PPM1L: variants seen among roughly 807,000 people sequenced by gnomAD.
The protein encoded by PPM1L is protein phosphatase 1L.
In PPM1L, 13 loss-of-function variants were observed where a neutral mutation model predicts 31.4. The observed-to-expected ratio is 0.41, with a 90% CI of 0.27 to 0.66. The LOEUF is 0.66. Among genes scored for constraint, PPM1L ranks in the 30% least tolerant of loss-of-function variants. The pLI is 0.29. For missense variants in PPM1L, 326 were observed against 453.7 expected (o/e 0.72, Z 2.56); for synonymous variants, 184 against 175.4 (o/e 1.05, Z -0.39).
At chr3:160,856,872 T>G (rs1711722972) in intron 1 of PPM1L, among the ~76,000 whole-genome samples, 1 of 152,218 alleles carries the variant, frequency 6.6e-6, no homozygotes, top group Non-Finnish European at 1.5e-5. Context: ...CATTTAATTC[T>G]TCTCCCTATT....
intron 1 of PPM1L, among the ~76,000 whole-genome samples, chr3:160,954,056 C>A (rs1246134367): frequency 6.6e-6 from 1 of 152,032 alleles, no homozygotes; most frequent in Admixed American, 6.5e-5. Flanking sequence ...AATTTAAAAG[C>A]AATTTGTGTT....
At chr3:161,065,095 G>A (rs1312878908) in intron 2 of PPM1L, among the ~76,000 whole-genome samples, 1 of 151,974 alleles carries the variant, frequency 6.6e-6, no homozygotes, top group African/African-American at 2.4e-5. Flanking sequence ...AACTTCAAAC[G>A]ATTTTGTTTC....
At chr3:160,921,742 T>C (rs75014720) in intron 1 of PPM1L, among the ~76,000 whole-genome samples, 1,606 of 152,292 alleles carry the variant, frequency 0.011, 40 homozygotes, top group African/African-American at 0.037. Flanking sequence ...AAAATAATTA[T>C]TTTATTCTTA....
At chr3:160,809,093 T>C (rs954026439) in intron 1 of PPM1L, among the ~76,000 whole-genome samples, 1 of 152,160 alleles carries the variant, frequency 6.6e-6, no homozygotes, top group Non-Finnish European at 1.5e-5. Flanking sequence ...CAGAATCTGC[T>C]CCCGAGGTCC....
intron 1 of PPM1L, among the ~76,000 whole-genome samples, chr3:160,942,483 T>C (rs913466612): frequency 2.0e-5 from 3 of 152,236 alleles, no homozygotes; most frequent in African/African-American, 7.2e-5. Flanking sequence ...TACTTGTCAG[T>C]GTGGCAATTT....
chr3:160,807,141 C>G (rs1162281735), intron 1 of PPM1L, among the ~76,000 whole-genome samples: 1 of 152,108 alleles, frequency 6.6e-6, no homozygotes, highest in East Asian at 1.9e-4. Context: ...TAAAGAAAAG[C>G]AATTTCCCCT....
Position 161,069,031 on chromosome 3 carries a change from G to A in PPM1L, c.957G>A (p.Glu319=), listed in dbSNP as rs755109949. The change falls in exon 4 of 4, where the codon GAG becomes GAA. Residue 319 remains glutamate (E), a synonymous_variant. Transcript: ENST00000498165. ...SNEEAVRFIK[E]RLDEPHFGAK... ...AAGAAGCAGTTCGATTCATCAAGGAGCGCTTGGATGAACCTCACTTTGGGG... is the reference window on the plus strand; with the variant it reads ...AAGAAGCAGTTCGATTCATCAAGGAACGCTTGGATGAACCTCACTTTGGGG... 1 of 1,614,198 alleles carries A rather than the reference G, an allele frequency of 6.2e-7. No homozygotes were observed. Among genetic ancestry groups the A allele is most frequent in the Admixed American group, 1.7e-5 (1 of 60,016 alleles).
chr3:161,019,090 A>G (rs1482922200), intron 2 of PPM1L, among the ~76,000 whole-genome samples: 1 of 152,216 alleles, frequency 6.6e-6, no homozygotes, highest in East Asian at 1.9e-4. Flanking sequence ...GGATAAGATT[A>G]TTTGATTAAT....
intron 1 of PPM1L, among the ~76,000 whole-genome samples, chr3:160,839,901 A>G (rs966469666): frequency 5.9e-5 from 9 of 152,184 alleles, no homozygotes; most frequent in African/African-American, 1.9e-4. Flanking sequence ...CATAAAAAAT[A>G]TATCTCGAAT....
In PPM1L at chr3:161,076,791, T is replaced by C. The variant is rs1720112948; in HGVS notation, c.*7634T>C. ...GGAAAATAGTAATTAAACAGTTCAT[T>C]CCAAAAGACCCCAATGTAAACTCTG... On this transcript the variant is annotated 3_prime_UTR_variant, in exon 4 of 4. Transcript: ENST00000498165. 6.6e-6 allele frequency: 1 copy of C among 152,186 alleles called. No homozygotes were observed. The highest frequency in any genetic ancestry group is 1.5e-5 in the Non-Finnish European group (1 of 68,024). 9.4% of individuals were successfully genotyped at this position (152,186 alleles called of 1,614,324 possible).
chr3:160,979,028 A>C (rs1346169521), intron 2 of PPM1L, among the ~76,000 whole-genome samples: 1 of 151,998 alleles, frequency 6.6e-6, no homozygotes, highest in African/African-American at 2.4e-5. Context: ...ATTTATAGAA[A>C]AATATTGCAT....
Position 160,879,283 on chromosome 3 carries a change from T to C in PPM1L, c.400-82453T>C, listed in dbSNP as rs114121316. Among the ~76,000 whole-genome samples the C allele has an allele frequency of 4.1e-3, 623 of 152,220 alleles. 4 individuals carry two copies. Among genetic ancestry groups the C allele is most frequent in the African/African-American group, 0.014 (598 of 41,532 alleles). On this transcript the variant is annotated intron_variant, in intron 1 of 3. Coordinates refer to ENST00000498165, the MANE Select transcript of PPM1L (RefSeq NM_139245.4). The stretch of plus-strand genomic sequence containing the variant: ...AATATTTTATAGAACTTTTAATTTG[T>C]TTTCAATTGGATTACTCAAATTCTG...
intron 1 of PPM1L, among the ~76,000 whole-genome samples, chr3:160,765,994 C>T (rs1009268337): frequency 2.0e-5 from 3 of 152,050 alleles, no homozygotes; most frequent in African/African-American, 7.2e-5. Context: ...TTTTCTTAGC[C>T]AAACTTAAGT....
intron 2 of PPM1L, among the ~76,000 whole-genome samples, chr3:160,997,823 C>A (rs938469302): frequency 2.6e-5 from 4 of 152,118 alleles, no homozygotes; most frequent in Non-Finnish European, 5.9e-5. Context: ...TAAATTTCCT[C>A]CTTTCTTCTA....
intron 1 of PPM1L, among the ~76,000 whole-genome samples, chr3:160,759,719 G>A (rs1165068539): frequency 1.3e-5 from 2 of 151,622 alleles, no homozygotes; most frequent in Non-Finnish European, 3.0e-5. Context: ...AATCAGACTG[G>A]TAGGTAGGAA....
At chr3:161,011,001 A>G (rs368901253) in intron 2 of PPM1L, among the ~76,000 whole-genome samples, 6 of 152,250 alleles carry the variant, frequency 3.9e-5, no homozygotes, top group South Asian at 4.1e-4. Flanking sequence ...CTTTTGCTGT[A>G]CAGAAGCTCT....
At position 161,076,638 on chromosome 3, in the gene PPM1L, G is replaced by C. The variant is rs137922670; in HGVS notation, c.*7481G>C. 1 of 151,876 alleles carries C rather than the reference G, an allele frequency of 6.6e-6. No individual in the cohort carries two copies. The highest frequency in any genetic ancestry group is 1.9e-4 in the East Asian group (1 of 5,184). 9.4% of individuals were successfully genotyped at this position (151,876 alleles called of 1,614,324 possible). On this transcript the variant is annotated 3_prime_UTR_variant, in exon 4 of 4. Coordinates refer to ENST00000498165, the MANE Select transcript of PPM1L (RefSeq NM_139245.4). ...ATAGCACTTACACAACTGCAGTTCA[G>C]GTCACAGAATTGAAATCTATTTGAT...
At chr3:160,971,646 G>A (rs143921142) in intron 2 of PPM1L, among the ~76,000 whole-genome samples, 1 of 152,332 alleles carries the variant, frequency 6.6e-6, no homozygotes, top group Non-Finnish European at 1.5e-5. Context: ...ACTGCCAGTT[G>A]CGTTTTTAAA....
chr3:160,935,071 C>G (rs1229888322), intron 1 of PPM1L, among the ~76,000 whole-genome samples: 1 of 152,044 alleles, frequency 6.6e-6, no homozygotes, highest in African/African-American at 2.4e-5. Flanking sequence ...CCTTTAAGCC[C>G]CAAACCCTGA....
Sources: gnomAD v4.1 joint callset for allele counts (sites outside exome capture counted in the v4.1 genomes callset) on GRCh38, gnomAD v4.1.1 for gene constraint, MANE v1.5 for transcripts, NCBI Gene and HGNC (gene_info 2026-07-23, HGNC 2026-07-21) for gene names.